The following CDK5RAP2 variants were observed in gnomAD, a reference collection of about 807,000 sequenced individuals.
CDK5RAP2 encodes the protein CDK5 regulatory subunit associated protein 2.
A neutral mutation model predicts 232.9 loss-of-function variants in CDK5RAP2; 147 were observed. That is an observed-to-expected ratio of 0.63 (90% CI 0.55 to 0.72). CDK5RAP2 has a LOEUF of 0.72. Among genes scored for constraint, CDK5RAP2 ranks in the 30% least tolerant of loss-of-function variants. The pLI, the probability that CDK5RAP2 is intolerant of heterozygous loss-of-function variation, is 0.00. For missense variants in CDK5RAP2, 2,195 were observed against 2,231.5 expected, an observed-to-expected ratio of 0.98 and a Z score of 0.33; for synonymous variants, 833 against 833.7, an observed-to-expected ratio of 1.00 and a Z score of 0.01.
At chr9:120,430,106 T>C (rs2035187525) in intron 25 of CDK5RAP2, among the ~76,000 whole-genome samples, 1 of 152,168 alleles carries the variant, frequency 6.6e-6, no homozygotes, top group African/African-American at 2.4e-5. Context: ...ATACAAAAAT[T>C]AATTCAAGAT....
At chr9:120,541,979 A>G (rs1431350625) in intron 5 of CDK5RAP2, among the ~76,000 whole-genome samples, 1 of 152,206 alleles carries the variant, frequency 6.6e-6, no homozygotes, top group Non-Finnish European at 1.5e-5. Flanking sequence ...TGCCAGCCTC[A>G]CTACCCTTTT....
chr9:120,512,695 T>C (rs1012521133), intron 12 of CDK5RAP2, among the ~76,000 whole-genome samples: 3 of 152,222 alleles, frequency 2.0e-5, no homozygotes, highest in African/African-American at 7.2e-5. Context: ...TGAAATTAGA[T>C]AGAGTCCATA....
At position 120,460,363 on chromosome 9, in the gene CDK5RAP2, C is replaced by A. The variant is rs141455368; in HGVS notation, c.2202+209G>T. On this transcript the variant is annotated intron_variant, in intron 19 of 37. Transcript: ENST00000349780. ...GCCCATTTTTATTTGCAAGTTTATG[C>A]TCGTTTTCATGTTTCATGACTGGCT... 6.5e-3 allele frequency among the ~76,000 whole-genome samples: 990 copies of A among 152,264 alleles called. 4 individuals carry two copies. Among genetic ancestry groups the A allele is most frequent in the Non-Finnish European group, 9.4e-3 (637 of 68,024 alleles).
Position 120,467,879 on chromosome 9 carries a change from G to T in CDK5RAP2, c.2087C>A (p.Ala696Glu). The stretch of plus-strand genomic sequence containing the variant: ...TCTTACCTCTGTTTGTTCTGTAGAC[G>T]CAAGTCTATCTGGAAACCCATTTCC... ...FQGNGFPDRLASTEQTELLAS... is the reference protein window; with the variant it reads ...FQGNGFPDRLESTEQTELLAS... The change falls in exon 18 of 38, where the codon GCG becomes GAG. Residue 696 changes from alanine (A) to glutamate (E), a missense_variant. Coordinates refer to ENST00000349780, the MANE Select transcript of CDK5RAP2 (RefSeq NM_018249.6). 6.2e-7 allele frequency: 1 copy of T among 1,614,062 alleles called. No individual in the cohort carries two copies. The highest frequency in any genetic ancestry group is 1.7e-5 in the Admixed American group (1 of 60,022).
intron 7 of CDK5RAP2, among the ~76,000 whole-genome samples, chr9:120,531,326 T>C (rs2041144318): frequency 7.2e-6 from 1 of 138,548 alleles, no homozygotes; most frequent in Non-Finnish European, 1.5e-5. Flanking sequence ...CTAATTAAGC[T>C]CCCCTCCAGG....
intron 32 of CDK5RAP2, 47 bp downstream of exon 32, chr9:120,406,965 T>G (rs1268877391): frequency 7.3e-7 from 1 of 1,362,898 alleles, no homozygotes; most frequent in South Asian, 1.2e-5. Flanking sequence ...CACACACAGA[T>G]GCTCAGAGCT....
intron 18 of CDK5RAP2, among the ~76,000 whole-genome samples, chr9:120,463,854 T>C (rs1304685592): frequency 1.3e-5 from 2 of 152,208 alleles, no homozygotes; most frequent in African/African-American, 2.4e-5. Context: ...TAGAGAAACA[T>C]ACTTCATGCT....
In CDK5RAP2 at chr9:120,453,785, T is replaced by A; in HGVS notation, c.2464A>T (p.Lys822Ter). Residue 822 changes from lysine to a stop codon, truncating the protein, a stop_gained, in exon 21 of 38, where the codon AAA becomes TAA. Transcript: ENST00000349780. LOFTEE classifies it high-confidence loss of function. The stretch of plus-strand genomic sequence containing the variant: ...TTTTGCTTAGGTGTCTTCTCAGTTT[T>A]ACCATCAAGGTGTTCTCCAGAAACT... Reference protein sequence around the residue: ...QEVSGEHLDGKTEKTPKQKGE... With the variant: ...QEVSGEHLDG 1 of 1,614,244 alleles carries A rather than the reference T, an allele frequency of 6.2e-7. No individual in the cohort carries two copies. Among genetic ancestry groups the A allele is most frequent in the Non-Finnish European group, 8.5e-7 (1 of 1,180,036 alleles).
intron 14 of CDK5RAP2, among the ~76,000 whole-genome samples, chr9:120,485,835 G>A (rs1460924211): frequency 6.6e-6 from 1 of 152,194 alleles, no homozygotes; most frequent in South Asian, 2.1e-4. Context: ...GGTTACGTAA[G>A]TGAAATGACA....
At chr9:120,493,910 G>A (rs909079520) in intron 12 of CDK5RAP2, among the ~76,000 whole-genome samples, 13 of 152,078 alleles carry the variant, frequency 8.5e-5, no homozygotes, top group African/African-American at 3.1e-4. Flanking sequence ...TGGCCAACAT[G>A]GCGAAACTCT....
At chr9:120,507,942 AATATATATAT>A (rs1157642617) in intron 12 of CDK5RAP2, among the ~76,000 whole-genome samples, 3 of 32,550 alleles carry the variant, frequency 9.2e-5, no homozygotes, top group African/African-American at 1.1e-4. Context: ...AAAAAAAAAA[AATATATATAT>A]ATATATATAT....
At chr9:120,529,181 A>G (rs1042659430) in intron 8 of CDK5RAP2, among the ~76,000 whole-genome samples, 2 of 152,254 alleles carry the variant, frequency 1.3e-5, no homozygotes, top group Non-Finnish European at 2.9e-5. Context: ...CTGTGGTAGG[A>G]GCACAGGCCC....
At position 120,543,096 on chromosome 9, in the gene CDK5RAP2, G is replaced by C. The variant is rs969010696; in HGVS notation, c.383+2618C>G. On this transcript the variant is annotated intron_variant, in intron 5 of 37. Coordinates refer to ENST00000349780, the MANE Select transcript of CDK5RAP2 (RefSeq NM_018249.6). ...GGGTCACTGCGAACATTCTTAAACAGAGCTCATGACCTTAACCCCAAACAG... is the reference window on the plus strand; with the variant it reads ...GGGTCACTGCGAACATTCTTAAACACAGCTCATGACCTTAACCCCAAACAG... Among the ~76,000 whole-genome samples, 20 of 152,192 alleles carry C rather than the reference G, an allele frequency of 1.3e-4. 1 individual carries two copies.
At chr9:120,559,570 GAAAA>G (rs777727216) in intron 3 of CDK5RAP2, among the ~76,000 whole-genome samples, 3 of 60,828 alleles carry the variant, frequency 4.9e-5, no homozygotes, top group Non-Finnish European at 7.1e-5. Context: ...AGAGAAACAA[GAAAA>G]AAAAAAAAAA....
At chr9:120,391,073 T>G (rs1390548419) in intron 36 of CDK5RAP2, among the ~76,000 whole-genome samples, 2 of 152,068 alleles carry the variant, frequency 1.3e-5, no homozygotes, top group African/African-American at 2.4e-5. Flanking sequence ...CCTCCGACAC[T>G]GTGTGCAAAT....
chr9:120,451,438 T>G (rs754759251), intron 21 of CDK5RAP2, among the ~76,000 whole-genome samples: 1 of 152,344 alleles, frequency 6.6e-6, no homozygotes, highest in Non-Finnish European at 1.5e-5. Flanking sequence ...GTCTCCGTGT[T>G]TCTATAACTA....
intron 14 of CDK5RAP2, among the ~76,000 whole-genome samples, chr9:120,480,844 T>TA (rs1248426833): frequency 6.6e-6 from 1 of 152,198 alleles, no homozygotes; most frequent in Non-Finnish European, 1.5e-5. Context: ...CATGATAAGT[T>TA]AGTCATCCAG....
chr9:120,407,094 T>C lies in CDK5RAP2; in HGVS notation c.4881A>G (p.Ala1627=). 1 of 1,614,122 alleles carries C rather than the reference T, an allele frequency of 6.2e-7. No individual in the cohort carries two copies. The highest frequency in any genetic ancestry group is 8.5e-7 in the Non-Finnish European group (1 of 1,180,044). ...TGAGGGCTCCTTCCTGTGCCTTCTC[T>C]GCCCCCCTTGCCAGCTGTTCCTTGA... ...SRLKEQLARG[A]EKAQEGALTL... Residue 1627 remains alanine (A), a synonymous_variant, in exon 32 of 38, where the codon GCA becomes GCG. Coordinates refer to ENST00000349780, the MANE Select transcript of CDK5RAP2 (RefSeq NM_018249.6).
chr9:120,455,733 T>C (rs1486275740), intron 20 of CDK5RAP2, among the ~76,000 whole-genome samples: 1 of 148,948 alleles, frequency 6.7e-6, no homozygotes, highest in Non-Finnish European at 1.5e-5. Flanking sequence ...CCAAACCTTG[T>C]GTCAAAAAAA....
Sources: allele counts gnomAD v4.1 joint callset (sites outside exome capture counted in the v4.1 genomes callset), GRCh38; gene constraint gnomAD v4.1.1; transcripts MANE v1.5; gene names NCBI Gene and HGNC (gene_info 2026-07-23, HGNC 2026-07-21).